CDK18: variants seen among roughly 807,000 people sequenced by gnomAD.
The protein encoded by CDK18 is cyclin-dependent kinase 18.
A neutral mutation model predicts 62.0 loss-of-function variants in CDK18; 52 were observed. The observed-to-expected ratio is 0.84, with a 90% confidence interval of 0.67 to 1.06. The LOEUF (loss-of-function observed/expected upper bound fraction) is 1.06, where lower values mean the gene tolerates loss of function less well. Ranked by LOEUF, CDK18 falls within the 50% of genes least tolerant of loss-of-function variation. CDK18 has a pLI of 0.00. For missense variants in CDK18, 604 were observed against 619.9 expected, an observed-to-expected ratio of 0.97 and a Z score of 0.27; for synonymous variants, 237 against 247.0, an observed-to-expected ratio of 0.96 and a Z score of 0.38.
Position 205,523,290 on chromosome 1 carries a change from G to A in CDK18, c.123G>A (p.Arg41=). The change falls in exon 2 of 16, where the codon CGG becomes CGA. Residue 41 remains arginine (R), a synonymous_variant. Coordinates refer to ENST00000429964, the MANE Select transcript of CDK18 (RefSeq NM_212502.3). The part of the protein sequence containing the change: ...TEQFNQLHNR[R]NENLQLGPLG... ...AATTCAACCAGCTCCACAACCGGCGGAATGAGAGTGAGGGGTCTGGGCCCA... is the reference window on the plus strand; with the variant it reads ...AATTCAACCAGCTCCACAACCGGCGAAATGAGAGTGAGGGGTCTGGGCCCA... 1 of 1,614,106 alleles carries A rather than the reference G, an allele frequency of 6.2e-7. No homozygotes were observed. Among genetic ancestry groups the A allele is most frequent in the Non-Finnish European group, 8.5e-7 (1 of 1,180,012 alleles).
chr1:205,523,593 CG>C lies in CDK18; in HGVS notation c.243del (p.Arg82GlyfsTer64). On this transcript the variant is annotated frameshift_variant, in exon 3 of 16. Coordinates refer to ENST00000429964, the MANE Select transcript of CDK18 (RefSeq NM_212502.3). LOFTEE classifies it high-confidence loss of function. ...GQLSPGVQFQ[R>X]RQNQRRFSME... is the part of the protein sequence containing the mutation. ...GCTCTCCCCTGGCGTGCAGTTCCAG[CG>C]GCGGCAGAACCAGCGCCGCTTCTCC... is the stretch of plus-strand genomic sequence containing the variant. The C allele has an allele frequency of 1.3e-6, 2 of 1,585,474 alleles. No individual in the cohort carries two copies. Among genetic ancestry groups the C allele is most frequent in the South Asian group, 2.3e-5 (2 of 86,906 alleles).
intron 1 of CDK18, among the ~76,000 whole-genome samples, chr1:205,519,709 G>A (rs902259133): frequency 1.3e-5 from 2 of 152,018 alleles, no homozygotes; most frequent in Non-Finnish European, 2.9e-5. Context: ...CCCAGGCACA[G>A]GCTGGTGGCT....
chr1:205,530,078 C>T, intron 13 of CDK18, 181 bp from the exon 14 acceptor site: 2 of 1,432,418 alleles, frequency 1.4e-6, no homozygotes, highest in South Asian at 1.5e-5. Flanking sequence ...AGGAGCCTTC[C>T]CCTGAGTCTT....
At position 205,530,294 on chromosome 1, in the gene CDK18, C is replaced by T. The variant is rs1406854059; in HGVS notation, c.1257C>T (p.Ala419=). 1.9e-6 allele frequency: 3 copies of T among 1,613,304 alleles called. No homozygotes were observed. Among genetic ancestry groups the T allele is most frequent in the South Asian group, 1.1e-5 (1 of 91,078 alleles). Residue 419 remains alanine (A), a synonymous_variant, in exon 14 of 16, where the codon GCC becomes GCT. Transcript: ENST00000429964. ...ESKSRMSAEA[A]LSHSYFRSLG... ...AGAGTCGCATGTCAGCAGAGGCTGC[C>T]CTGAGTCACTCCTACTTCCGGTCTC...
At position 205,517,581 on chromosome 1, in the gene CDK18, C is replaced by G. The variant is rs536667466; in HGVS notation, c.-21-5566C>G. Reference sequence around the variant, plus strand: ...CACTGAAACCACTACTCCCAGAATGCCTTGTCTCCTCCAGTGACTGTTCTA... The same window carrying G: ...CACTGAAACCACTACTCCCAGAATGGCTTGTCTCCTCCAGTGACTGTTCTA... On this transcript the variant is annotated intron_variant, in intron 1 of 15. Transcript: ENST00000429964. The surrounding 1 kb of genome is among the most constrained non-coding windows in gnomAD (Gnocchi z 4.1). 2.0e-4 allele frequency among the ~76,000 whole-genome samples: 30 copies of G among 152,164 alleles called. No individual in the cohort carries two copies. The highest frequency in any genetic ancestry group is 1.6e-3 in the Admixed American group (25 of 15,288).
intron 1 of CDK18, among the ~76,000 whole-genome samples, chr1:205,520,989 C>T (rs550996376): frequency 7.9e-5 from 12 of 152,208 alleles, no homozygotes; most frequent in Middle Eastern, 3.4e-3. Context: ...CACGGAGGAG[C>T]GGCTGAAGAT....
In CDK18 at chr1:205,517,383, G is replaced by A. The variant is rs1356863147; in HGVS notation, c.-21-5764G>A. Among the ~76,000 whole-genome samples, 1 of 152,196 alleles carries A rather than the reference G, an allele frequency of 6.6e-6. No individual in the cohort carries two copies. Among genetic ancestry groups the A allele is most frequent in the African/African-American group, 2.4e-5 (1 of 41,444 alleles). Reference sequence around the variant, plus strand: ...GAAGTCTGCAGGGATGTTTGATGAAGTTTATATGAGGACTCTTTTTGTCTG... The same window carrying A: ...GAAGTCTGCAGGGATGTTTGATGAAATTTATATGAGGACTCTTTTTGTCTG... On this transcript the variant is annotated intron_variant, in intron 1 of 15. Coordinates refer to ENST00000429964, the MANE Select transcript of CDK18 (RefSeq NM_212502.3). The surrounding 1 kb of genome is among the most constrained non-coding windows in gnomAD (Gnocchi z 4.1).
intron 13 of CDK18, chr1:205,530,043 G>A (rs1668659158): frequency 1.4e-6 from 2 of 1,419,878 alleles, no homozygotes. Context: ...TTTCATTTCT[G>A]GTTTTTCCTG....
intron 1 of CDK18, among the ~76,000 whole-genome samples, chr1:205,519,364 C>A (rs1049008794): frequency 6.6e-6 from 1 of 152,072 alleles, no homozygotes; most frequent in Non-Finnish European, 1.5e-5. Flanking sequence ...CCCTGGTTGT[C>A]CCCAGCAGAG....
chr1:205,506,084 G>T (rs553941478), intron 1 of CDK18, among the ~76,000 whole-genome samples: 1 of 152,202 alleles, frequency 6.6e-6, no homozygotes, highest in Non-Finnish European at 1.5e-5. Context: ...TGCCTGGAGC[G>T]CCTGGTGGAC....
chr1:205,512,186 G>A (rs552230890), intron 1 of CDK18, among the ~76,000 whole-genome samples: 2 of 152,368 alleles, frequency 1.3e-5, no homozygotes, highest in East Asian at 1.9e-4. Flanking sequence ...TCATCAGCAC[G>A]CGGGTGGTGG....
At chr1:205,506,924 A>T (rs78844522) in intron 1 of CDK18, among the ~76,000 whole-genome samples, 4,295 of 152,112 alleles carry the variant, frequency 0.028, 185 homozygotes, top group African/African-American at 0.098. Flanking sequence ...AGCCCTGCAA[A>T]CCCCCGCTCA....
At position 205,529,375 on chromosome 1, in the gene CDK18, G is replaced by C; in HGVS notation, c.1124G>C (p.Arg375Pro). The change falls in exon 12 of 16, where the codon CGC (arginine) becomes CCC (proline). Residue 375 changes from arginine to proline, a missense_variant. Transcript: ENST00000429964. ...WPGVTAFSEFRTYSFPCYLPQ... is the reference protein window; with the variant it reads ...WPGVTAFSEFPTYSFPCYLPQ... ...GGCGTGACCGCCTTCTCTGAGTTCCGCACCTACAGCTTCCCCTGCTACCTC... is the reference window on the plus strand; with the variant it reads ...GGCGTGACCGCCTTCTCTGAGTTCCCCACCTACAGCTTCCCCTGCTACCTC... The C allele has an allele frequency of 6.2e-7, 1 of 1,613,996 alleles. No homozygotes were observed. Among genetic ancestry groups the C allele is most frequent in the Non-Finnish European group, 8.5e-7 (1 of 1,179,942 alleles).
chr1:205,509,753 T>C (rs576339941), intron 1 of CDK18, among the ~76,000 whole-genome samples: 16 of 152,190 alleles, frequency 1.1e-4, no homozygotes, highest in African/African-American at 3.9e-4. Context: ...ACATCAGGGA[T>C]CAGCCCCCAA....
At position 205,527,793 on chromosome 1, in the gene CDK18, G is replaced by C; in HGVS notation, c.730-1G>C. On this transcript the variant is annotated splice_acceptor_variant, in intron 8 of 15. Coordinates refer to ENST00000429964, the MANE Select transcript of CDK18 (RefSeq NM_212502.3). LOFTEE classifies it high-confidence loss of function. The surrounding 1 kb of genome is among the most constrained non-coding windows in gnomAD (Gnocchi z 4.1). The stretch of plus-strand genomic sequence containing the variant: ...CCACATTTCTCTTCCCCCTCCCCCA[G>C]ATTTTCATGTTCCAGCTGCTCCGGG... The C allele has an allele frequency of 6.2e-7, 1 of 1,613,804 alleles. No homozygotes were observed. The highest frequency in any genetic ancestry group is 8.5e-7 in the Non-Finnish European group (1 of 1,179,808).
rs537824587 is a variant in CDK18, at chr1:205,526,813, C to T, written c.705C>T (p.Asn235=). 5.0e-6 allele frequency: 8 copies of T among 1,614,110 alleles called. No individual in the cohort carries two copies. The South Asian group carries it at 7.7e-5, about 16-fold the overall frequency. ...DLKQYLDHCG[N]LMSMHNVKIF... is the part of the protein sequence containing the mutation. Reference sequence around the variant, plus strand: ...AGCAGTATCTGGACCACTGTGGGAACCTCATGAGCATGCACAACGTCAAGG... The same window carrying T: ...AGCAGTATCTGGACCACTGTGGGAATCTCATGAGCATGCACAACGTCAAGG... The change falls in exon 8 of 16, where the codon AAC becomes AAT. Residue 235 remains asparagine (N), a synonymous_variant. Transcript: ENST00000429964.
At chr1:205,506,223 A>C (rs76862364) in intron 1 of CDK18, among the ~76,000 whole-genome samples, 4,319 of 152,172 alleles carry the variant, frequency 0.028, 193 homozygotes, top group African/African-American at 0.099. Context: ...TTGCATCCTG[A>C]AGGCGTTCCA....
rs763778772 is a variant in CDK18 at position 205,526,471 on chromosome 1, C to T, written c.666+10C>T. 12 of 1,604,526 alleles carry T rather than the reference C, an allele frequency of 7.5e-6. No individual in the cohort carries two copies. The highest frequency in any genetic ancestry group is 6.7e-5 in the African/African-American group (5 of 74,736). ...GGTGTTTGAGTACCTGGTGAGAGTC[C>T]GGCTGGGGCTGGCCGCCTCTCCCTC... On this transcript the variant is annotated intron_variant, in intron 7 of 15. Transcript: ENST00000429964.
chr1:205,514,127 T>A (rs1279341898), intron 1 of CDK18, among the ~76,000 whole-genome samples: 1 of 152,168 alleles, frequency 6.6e-6, no homozygotes, highest in Non-Finnish European at 1.5e-5. Flanking sequence ...AAATGACAAG[T>A]AAACAGTTAC....
Sources: allele counts gnomAD v4.1 joint callset (sites outside exome capture counted in the v4.1 genomes callset), GRCh38; gene constraint gnomAD v4.1.1; non-coding constraint Gnocchi (gnomAD v3.1); transcripts MANE v1.5; gene names NCBI Gene and HGNC (gene_info 2026-07-23, HGNC 2026-07-21).